Variants in BRIP1 observed in about 807,000 individuals in gnomAD.
The protein encoded by BRIP1 is BRCA1 interacting DNA helicase 1.
A neutral mutation model predicts 119.7 loss-of-function variants in BRIP1; 88 were observed. The observed-to-expected ratio is 0.74, with a 90% CI of 0.62 to 0.88. BRIP1 has a LOEUF of 0.88. Among genes scored for constraint, BRIP1 ranks in the 40% least tolerant of loss-of-function variants. The probability of loss-of-function intolerance (pLI) is 0.00; values close to 1 mark genes in which losing one functional copy is unlikely to be tolerated. For synonymous variants in BRIP1, 443 were observed against 496.5 expected (o/e 0.89, Z 1.43); for missense variants, 1,259 against 1,455.4 (o/e 0.87, Z 2.20).
At position 61,759,723 on chromosome 17, in the gene BRIP1, T is replaced by C. The variant is rs2077249827; in HGVS notation, c.2098-15132A>G. ...ATGTTTATACTATACTGCAGTCTATTATGTGTACAAGTGGCATTATGTCTA... is the reference window on the plus strand; with the variant it reads ...ATGTTTATACTATACTGCAGTCTATCATGTGTACAAGTGGCATTATGTCTA... On this transcript the variant is annotated intron_variant, in intron 14 of 19. Coordinates refer to ENST00000259008, the MANE Select transcript of BRIP1 (RefSeq NM_032043.3). The surrounding 1 kb of genome is among the most constrained non-coding windows in gnomAD (Gnocchi z 4.9). 6.6e-6 allele frequency among the ~76,000 whole-genome samples: 1 copy of C among 152,048 alleles called. No individual in the cohort carries two copies. Among genetic ancestry groups the C allele is most frequent in the South Asian group, 2.1e-4 (1 of 4,830 alleles).
rs745432312 is a variant in BRIP1 at position 61,801,310 on chromosome 17, A to G, written c.1083T>C (p.Asp361=). ...TGTAGGGACAAAATATGATGTCAGC[A>G]TCTTGTATTAGTTCTCGGGCTGTGT... ...PYYTARELIQ[D]ADIIFCPYNY... The change falls in exon 8 of 20, where the codon GAT becomes GAC. Residue 361 remains aspartate (D), a synonymous_variant. Transcript: ENST00000259008. 6.2e-7 allele frequency: 1 copy of G among 1,614,042 alleles called. No individual in the cohort carries two copies. The highest frequency in any genetic ancestry group is 8.5e-7 in the Non-Finnish European group (1 of 1,179,938).
In BRIP1 at chr17:61,695,545, G is replaced by A. The variant is rs1460776216; in HGVS notation, c.2493-2033C>T. Among the ~76,000 whole-genome samples the A allele has an allele frequency of 6.6e-6, 1 of 152,088 alleles. No individual in the cohort carries two copies. The highest frequency in any genetic ancestry group is 2.4e-5 in the African/African-American group (1 of 41,438). On this transcript the variant is annotated intron_variant, in intron 17 of 19. Transcript: ENST00000259008. This position sits in a 1 kb window ranked among gnomAD's most constrained non-coding sequence, Gnocchi z 4.3. Reference sequence around the variant, plus strand: ...AGAAAGTCAGCTGGGATTTTGATTAGTATTGTATTTAACCTCTATATCAAT... The same window carrying A: ...AGAAAGTCAGCTGGGATTTTGATTAATATTGTATTTAACCTCTATATCAAT...
chr17:61,848,492 G>A lies in BRIP1; in HGVS notation c.507+637C>T, dbSNP rs745390121. Among the ~76,000 whole-genome samples the A allele has an allele frequency of 5.3e-5, 8 of 152,024 alleles. No individual in the cohort carries two copies. Among genetic ancestry groups the A allele is most frequent in the East Asian group, 3.9e-4 (2 of 5,184 alleles). Reference sequence around the variant, plus strand: ...CTCCCAGAGTGCTGGGATTACAGTCGTGAGCCACTGTATTCAGCCTAATAA... The same window carrying A: ...CTCCCAGAGTGCTGGGATTACAGTCATGAGCCACTGTATTCAGCCTAATAA... On this transcript the variant is annotated intron_variant, in intron 5 of 19. Transcript: ENST00000259008. The surrounding 1 kb of genome is among the most constrained non-coding windows in gnomAD (Gnocchi z 4.3).
rs1332691851 is a variant in BRIP1, at chr17:61,700,514, T to G, written c.2493-7002A>C. On this transcript the variant is annotated intron_variant, in intron 17 of 19. Transcript: ENST00000259008. The surrounding 1 kb of genome is among the most constrained non-coding windows in gnomAD (Gnocchi z 4.1). ...ATTTTCTTTCAGCACTTTGAACATG[T>G]CAATTAACTGCTTCCTGGTCTGGAG... Among the ~76,000 whole-genome samples the G allele has an allele frequency of 6.6e-6, 1 of 152,226 alleles. No individual in the cohort carries two copies. Among genetic ancestry groups the G allele is most frequent in the East Asian group, 1.9e-4 (1 of 5,202 alleles).
rs138636418 is a variant in BRIP1 at position 61,823,496 on chromosome 17, A to T, written c.628-14739T>A. ...TAAGATTTAACACCAAATTAGAAAT[A>T]GCAGAAGAGATCAAGGAGCTTGACA... On this transcript the variant is annotated intron_variant, in intron 6 of 19. Transcript: ENST00000259008. The surrounding 1 kb of genome is among the most constrained non-coding windows in gnomAD (Gnocchi z 4.8). Among the ~76,000 whole-genome samples the T allele has an allele frequency of 0.01, 1,565 of 152,344 alleles. 14 individuals carry two copies. The highest frequency in any genetic ancestry group is 0.017 in the Non-Finnish European group (1,157 of 68,026).
Position 61,713,119 on chromosome 17 carries a change from A to G in BRIP1, c.2492+2832T>C, listed in dbSNP as rs1253189210. ...GATGTCACCATTGTAACATTATAGC[A>G]CAATGCATTACAAGTGCTTGTGGCG... On this transcript the variant is annotated intron_variant, in intron 17 of 19. Coordinates refer to ENST00000259008, the MANE Select transcript of BRIP1 (RefSeq NM_032043.3). The surrounding 1 kb of genome is among the most constrained non-coding windows in gnomAD (Gnocchi z 4.9). 6.6e-6 allele frequency among the ~76,000 whole-genome samples: 1 copy of G among 152,186 alleles called. No individual in the cohort carries two copies. The highest frequency in any genetic ancestry group is 1.9e-4 in the East Asian group (1 of 5,200).
chr17:61,779,586 C>T (rs969713488), intron 13 of BRIP1, among the ~76,000 whole-genome samples: 9 of 152,062 alleles, frequency 5.9e-5, no homozygotes, highest in African/African-American at 2.2e-4. Flanking sequence ...CACCACTGCA[C>T]TCCAGTCTGG....
rs976452129 is a variant in BRIP1 at position 61,690,088 on chromosome 17, A to G, written c.2575+3342T>C. 6.6e-6 allele frequency among the ~76,000 whole-genome samples: 1 copy of G among 152,246 alleles called. No individual in the cohort carries two copies. The highest frequency in any genetic ancestry group is 2.4e-5 in the African/African-American group (1 of 41,472). Reference sequence around the variant, plus strand: ...ATGTTTGAAGTGCTGAAAGAAAAAAACCTGCCAGTGAAGGATATTATATCT... The same window carrying G: ...ATGTTTGAAGTGCTGAAAGAAAAAAGCCTGCCAGTGAAGGATATTATATCT... On this transcript the variant is annotated intron_variant, in intron 18 of 19. Coordinates refer to ENST00000259008, the MANE Select transcript of BRIP1 (RefSeq NM_032043.3). The surrounding 1 kb of genome is among the most constrained non-coding windows in gnomAD (Gnocchi z 5.6).
intron 8 of BRIP1, among the ~76,000 whole-genome samples, chr17:61,801,013 T>A (rs1338440808): frequency 6.6e-6 from 1 of 152,198 alleles, no homozygotes; most frequent in African/African-American, 2.4e-5. Flanking sequence ...CAAAGAGAAA[T>A]CCTGCTGTAA....
rs2077036676 is a variant in BRIP1 at position 61,744,689 on chromosome 17, T to C, written c.2098-98A>G. On this transcript the variant is annotated intron_variant, in intron 14 of 19. Transcript: ENST00000259008. This position sits in a 1 kb window ranked among gnomAD's most constrained non-coding sequence, Gnocchi z 5.0. ...AATGTGACTACGGCAAGTATATTAA[T>C]CTCTCTGTGTCTTTTCTCATTTATA... 9.8e-7 allele frequency: 1 copy of C among 1,016,276 alleles called. No homozygotes were observed. The highest frequency in any genetic ancestry group is 1.5e-6 in the Non-Finnish European group (1 of 650,558). The allele number at this position is 1,016,276 out of a possible 1,614,324, so 63.0% of individuals were successfully genotyped here. A position where few individuals can be genotyped will look rare whatever the true frequency, so the allele number is the denominator to read the frequency against.
chr17:61,792,096 C>G (rs1220790634), intron 10 of BRIP1, among the ~76,000 whole-genome samples: 2 of 152,188 alleles, frequency 1.3e-5, no homozygotes, highest in Admixed American at 1.3e-4. Context: ...GAGACAAAGT[C>G]TTGCTATGTT....
chr17:61,696,315 C>A (rs9972955), intron 17 of BRIP1, among the ~76,000 whole-genome samples: 104,760 of 151,458 alleles, frequency 0.69, 36,712 homozygotes, highest in East Asian at 0.86. Context: ...TTGCTGGGAT[C>A]AATCTTACTT....
At chr17:61,819,185 CAA>C (rs3034662) in intron 6 of BRIP1, among the ~76,000 whole-genome samples, 107,638 of 135,780 alleles carry the variant, frequency 0.79, 41,732 homozygotes, top group African/African-American at 0.87. Flanking sequence ...GAATTTGTCT[CAA>C]AAAAAAAAAA....
rs990222038 is a variant in BRIP1, at chr17:61,756,119, C to G, written c.2098-11528G>C. ...ATACTGGTTATTTTAGTGAAAATGG[C>G]CTACAGCAAATTTTCAGTTTCAGAT... On this transcript the variant is annotated intron_variant, in intron 14 of 19. Coordinates refer to ENST00000259008, the MANE Select transcript of BRIP1 (RefSeq NM_032043.3). The surrounding 1 kb of genome is among the most constrained non-coding windows in gnomAD (Gnocchi z 4.3). 6.6e-6 allele frequency among the ~76,000 whole-genome samples: 1 copy of G among 152,050 alleles called. No homozygotes were observed. Among genetic ancestry groups the G allele is most frequent in the Admixed American group, 6.6e-5 (1 of 15,250 alleles).
Position 61,689,880 on chromosome 17 carries a change from T to C in BRIP1, c.2575+3550A>G, listed in dbSNP as rs1206818043. On this transcript the variant is annotated intron_variant, in intron 18 of 19. Coordinates refer to ENST00000259008, the MANE Select transcript of BRIP1 (RefSeq NM_032043.3). This position sits in a 1 kb window ranked among gnomAD's most constrained non-coding sequence, Gnocchi z 4.5. ...ATTAAAAATTAGCCAGGTCTGGTGG[T>C]GCATGCCTGTAGTCCCAGCTGAGGC... is the stretch of plus-strand genomic sequence containing the variant. Among the ~76,000 whole-genome samples, 2 of 152,094 alleles carry C rather than the reference T, an allele frequency of 1.3e-5. No individual in the cohort carries two copies. The highest frequency in any genetic ancestry group is 4.8e-5 in the African/African-American group (2 of 41,422).
In BRIP1 at chr17:61,742,758, C is replaced by A. The variant is rs935905066; in HGVS notation, c.2379+255G>T. ...TCAAAGATCACTTATCACAGATTAC[C>A]CTAACAGTATAATAATAATGAAAAG... On this transcript the variant is annotated intron_variant, in intron 16 of 19. Transcript: ENST00000259008. This position sits in a 1 kb window ranked among gnomAD's most constrained non-coding sequence, Gnocchi z 4.7. Among the ~76,000 whole-genome samples the A allele has an allele frequency of 1.3e-5, 2 of 151,990 alleles. No individual in the cohort carries two copies. The highest frequency in any genetic ancestry group is 4.8e-5 in the African/African-American group (2 of 41,358).
chr17:61,772,244 G>A (rs1328416711), intron 14 of BRIP1, among the ~76,000 whole-genome samples: 3 of 137,748 alleles, frequency 2.2e-5, no homozygotes, highest in East Asian at 4.3e-4. Flanking sequence ...AAAGGATTCC[G>A]ATGTATGCTA....
Position 61,743,214 on chromosome 17 carries a change from TTATAG to T in BRIP1, c.2258-85_2258-81del. On this transcript the variant is annotated intron_variant, in intron 15 of 19. Transcript: ENST00000259008. This position sits in a 1 kb window ranked among gnomAD's most constrained non-coding sequence, Gnocchi z 4.3. The stretch of plus-strand genomic sequence containing the variant: ...CATTTTGAAAATACCTGATTTATAA[TTATAG>T]TAATTACAGTAGCAAATTTAAAATA... 6.7e-7 allele frequency: 1 copy of T among 1,490,728 alleles called. No homozygotes were observed. The highest frequency in any genetic ancestry group is 9.3e-7 in the Non-Finnish European group (1 of 1,076,420). The allele number at this position is 1,490,728 out of a possible 1,614,324, so 92.3% of individuals were successfully genotyped here. A position where few individuals can be genotyped will look rare whatever the true frequency, so the allele number is the denominator to read the frequency against.
rs186868340 is a variant in BRIP1, at chr17:61,788,433, T to C, written c.1474-4009A>G. Among the ~76,000 whole-genome samples, 9 of 152,282 alleles carry C rather than the reference T, an allele frequency of 5.9e-5. No homozygotes were observed. In the East Asian group the frequency reaches 1.7e-3, roughly 29 times the overall value. On this transcript the variant is annotated intron_variant, in intron 10 of 19. Coordinates refer to ENST00000259008, the MANE Select transcript of BRIP1 (RefSeq NM_032043.3). ...ATCTATAAATACAGTGCAATTACAA[T>C]AAAAATTCTAACAGAACTTTTCCTA...
Sources: gnomAD v4.1 joint callset for allele counts (sites outside exome capture counted in the v4.1 genomes callset) on GRCh38, gnomAD v4.1.1 for gene constraint, Gnocchi (gnomAD v3.1) non-coding constraint, MANE v1.5 for transcripts, NCBI Gene and HGNC (gene_info 2026-07-23, HGNC 2026-07-21) for gene names.